The following ADAMTS2 variants were observed in gnomAD, a reference collection of about 807,000 sequenced individuals.
The protein encoded by ADAMTS2 is A disintegrin and metalloproteinase with thrombospondin motifs 2.
A neutral mutation model predicts 123.0 loss-of-function variants in ADAMTS2; 50 were observed. The ratio of observed to expected loss-of-function variants is 0.41; its 90% CI spans 0.32 to 0.51. The LOEUF is 0.51. Ranked by LOEUF, ADAMTS2 falls within the 20% of genes least tolerant of loss-of-function variation. ADAMTS2 has a pLI of 0.35. For missense variants in ADAMTS2, 1,494 were observed against 1,705.2 expected (o/e 0.88, Z 2.18); for synonymous variants, 678 against 695.4 (o/e 0.98, Z 0.39).
At chr5:179,223,527 C>A (rs1411016831) in intron 3 of ADAMTS2, among the ~76,000 whole-genome samples, 9 of 146,962 alleles carry the variant, frequency 6.1e-5, no homozygotes, top group African/African-American at 2.3e-4. Context: ...CACTCACACA[C>A]ATGCACTCAC....
intron 3 of ADAMTS2, among the ~76,000 whole-genome samples, chr5:179,224,031 G>A (rs1185808487): frequency 1.3e-5 from 2 of 152,244 alleles, no homozygotes; most frequent in Admixed American, 6.5e-5. Flanking sequence ...CTGAGCAGGT[G>A]GAGACAGGAC....
chr5:179,232,235 AAT>A (rs1561609245), intron 3 of ADAMTS2, among the ~76,000 whole-genome samples: 5 of 152,312 alleles, frequency 3.3e-5, no homozygotes. Flanking sequence ...ACATTGCACC[AAT>A]GTTTTATCAA....
chr5:179,130,231 C>T lies in ADAMTS2; in HGVS notation c.2291-133G>A. 2 of 1,137,144 alleles carry T rather than the reference C, an allele frequency of 1.8e-6. No homozygotes were observed. Among genetic ancestry groups the T allele is most frequent in the African/African-American group, 3.1e-5 (2 of 65,488 alleles). The allele number at this position is 1,137,144 out of a possible 1,614,324, so 70.4% of individuals were successfully genotyped here. A position where few individuals can be genotyped will look rare whatever the true frequency, so the allele number is the denominator to read the frequency against. On this transcript the variant is annotated intron_variant, in intron 15 of 21. Transcript: ENST00000251582. This position sits in a 1 kb window ranked among gnomAD's most constrained non-coding sequence, Gnocchi z 4.3. ...CTCTCTGGCTGCCCCCGGCCAGTTTCCTCTGTGCCACGACAGCCCAGATGG... is the reference window on the plus strand; with the variant it reads ...CTCTCTGGCTGCCCCCGGCCAGTTTTCTCTGTGCCACGACAGCCCAGATGG...
At chr5:179,154,021 G>A (rs540959751) in intron 8 of ADAMTS2, 28 bp downstream of exon 8, 21 of 1,584,610 alleles carry the variant, frequency 1.3e-5, no homozygotes, top group Admixed American at 5.4e-5. Context: ...CTGAGGGGTC[G>A]CCCACGGGGC....
intron 3 of ADAMTS2, among the ~76,000 whole-genome samples, chr5:179,244,830 G>T (rs775061733): frequency 4.6e-5 from 7 of 152,160 alleles, no homozygotes; most frequent in Non-Finnish European, 8.8e-5. Context: ...AGCCAGAAAT[G>T]GTCAACAGGA....
intron 10 of ADAMTS2, among the ~76,000 whole-genome samples, chr5:179,140,773 T>TTTTCC: frequency 6.7e-6 from 1 of 149,802 alleles, no homozygotes; most frequent in African/African-American, 2.5e-5. Context: ...CTGACAGAAC[T>TTTTCC]TTTCCTTCAG....
At chr5:179,178,514 G>A (rs1428282299) in intron 5 of ADAMTS2, among the ~76,000 whole-genome samples, 4 of 152,218 alleles carry the variant, frequency 2.6e-5, no homozygotes, top group African/African-American at 9.7e-5. Context: ...GCTTCCTAGT[G>A]GGCAGATGGC....
At chr5:179,169,628 C>T (rs1452055371) in intron 5 of ADAMTS2, among the ~76,000 whole-genome samples, 1 of 152,138 alleles carries the variant, frequency 6.6e-6, no homozygotes. Context: ...CACCTCATCC[C>T]CTGTCCCAGA....
At chr5:179,244,127 TC>T (rs1283694302) in intron 3 of ADAMTS2, among the ~76,000 whole-genome samples, 10 of 133,272 alleles carry the variant, frequency 7.5e-5, no homozygotes, top group African/African-American at 2.7e-4. Context: ...GGCAAAAAGC[TC>T]CCTAAATTTG....
chr5:179,120,108 C>G (rs925263596), intron 21 of ADAMTS2: 1 of 152,022 alleles, frequency 6.6e-6, no homozygotes, highest in Admixed American at 6.5e-5. Context: ...AGTGAGGCCC[C>G]GCAACTCCTC....
At chr5:179,232,438 T>C (rs1216251485) in intron 3 of ADAMTS2, among the ~76,000 whole-genome samples, 1 of 152,210 alleles carries the variant, frequency 6.6e-6, no homozygotes, top group Non-Finnish European at 1.5e-5. Flanking sequence ...ATGGGGAAAC[T>C]GAGAAAGGCT....
At chr5:179,271,457 G>A (rs1021638019) in intron 3 of ADAMTS2, among the ~76,000 whole-genome samples, 7 of 152,228 alleles carry the variant, frequency 4.6e-5, no homozygotes, top group Non-Finnish European at 1.0e-4. Flanking sequence ...GGGCTTGCCC[G>A]ACAGCAGCTA....
intron 15 of ADAMTS2, among the ~76,000 whole-genome samples, chr5:179,131,153 A>G (rs1036470138): frequency 4.0e-5 from 6 of 151,884 alleles, no homozygotes; most frequent in Admixed American, 1.3e-4. Flanking sequence ...TCTAGTAAAA[A>G]ATACAAAAAA....
Position 179,228,432 on chromosome 5 carries a change from T to TG in ADAMTS2, c.689-20718dup, listed in dbSNP as rs1765337112. Among the ~76,000 whole-genome samples, 1 of 152,120 alleles carries TG rather than the reference T, an allele frequency of 6.6e-6. No homozygotes were observed. Among genetic ancestry groups the TG allele is most frequent in the African/African-American group, 2.4e-5 (1 of 41,432 alleles). ...TCCTCTCCAGCCAGCAGGGCAGAAT[T>TG]GGGGGTGGACTTGCCCCAGCCTGAA... On this transcript the variant is annotated intron_variant, in intron 3 of 21. Coordinates refer to ENST00000251582, the MANE Select transcript of ADAMTS2 (RefSeq NM_014244.5). This position sits in a 1 kb window ranked among gnomAD's most constrained non-coding sequence, Gnocchi z 5.2.
chr5:179,164,316 C>T (rs1763656024), intron 5 of ADAMTS2, among the ~76,000 whole-genome samples: 3 of 152,224 alleles, frequency 2.0e-5, no homozygotes, highest in African/African-American at 7.2e-5. Flanking sequence ...GAGGCCAGGG[C>T]AAGGTCTGTG....
At position 179,219,863 on chromosome 5, in the gene ADAMTS2, C is replaced by T. The variant is rs185344745; in HGVS notation, c.689-12148G>A. Among the ~76,000 whole-genome samples, 156 of 152,332 alleles carry T rather than the reference C, an allele frequency of 1.0e-3. 1 individual carries two copies. The highest frequency in any genetic ancestry group is 3.3e-3 in the African/African-American group (137 of 41,568). ...GTCCCCCCAGCACCCGCCGAACTAC[C>T]GAGGCTCCTCTGCACCTGCCCCGTG... On this transcript the variant is annotated intron_variant, in intron 3 of 21. Transcript: ENST00000251582.
intron 3 of ADAMTS2, among the ~76,000 whole-genome samples, chr5:179,238,002 C>T (rs1030390537): frequency 1.3e-5 from 2 of 152,164 alleles, no homozygotes; most frequent in Non-Finnish European, 2.9e-5. Context: ...TCCCCCTGCC[C>T]CGCCCCACGG....
At chr5:179,323,235 C>A (rs1259685485) in intron 2 of ADAMTS2, among the ~76,000 whole-genome samples, 1 of 152,250 alleles carries the variant, frequency 6.6e-6, no homozygotes, top group African/African-American at 2.4e-5. Context: ...CCTTTGGCTG[C>A]CTTCCCTTCT....
intron 3 of ADAMTS2, among the ~76,000 whole-genome samples, chr5:179,215,126 A>G (rs1448597763): frequency 6.6e-6 from 1 of 152,238 alleles, no homozygotes; most frequent in Non-Finnish European, 1.5e-5. Flanking sequence ...AATGTCATGA[A>G]AGAAACAGAT....
Sources: gnomAD v4.1 joint callset for allele counts (sites outside exome capture counted in the v4.1 genomes callset) on GRCh38, gnomAD v4.1.1 for gene constraint, Gnocchi (gnomAD v3.1) non-coding constraint, MANE v1.5 for transcripts, NCBI Gene and HGNC (gene_info 2026-07-23, HGNC 2026-07-21) for gene names.